Variants in AKAP19 observed in about 807,000 individuals in gnomAD.
The protein encoded by AKAP19 is small A-kinase anchoring protein.
the AKAP19 span, among the ~76,000 whole-genome samples, chr2:190,139,003 C>T: frequency 7.6e-6 from 1 of 132,204 alleles, no homozygotes; most frequent in Non-Finnish European, 1.6e-5. Flanking sequence ...TTTTCACAAG[C>T]CTTTGTGGAT....
At chr2:190,092,217 T>A in the AKAP19 span, among the ~76,000 whole-genome samples, 5 of 152,214 alleles carry the variant, frequency 3.3e-5, no homozygotes. Flanking sequence ...TGCTAATTTG[T>A]CATGTTGACT....
the AKAP19 span, among the ~76,000 whole-genome samples, chr2:190,139,882 A>T: frequency 6.6e-6 from 1 of 152,168 alleles, no homozygotes; most frequent in Non-Finnish European, 1.5e-5. Context: ...TTCTATCATT[A>T]ACCCAAATGT....
the AKAP19 span, among the ~76,000 whole-genome samples, chr2:190,035,356 G>C: frequency 6.6e-6 from 1 of 151,978 alleles, no homozygotes; most frequent in Non-Finnish European, 1.5e-5. Flanking sequence ...GCTTGAACCC[G>C]GGAGGTGAAG....
the AKAP19 span, chr2:189,923,812 C>T: frequency 1.9e-6 from 3 of 1,611,724 alleles, no homozygotes; most frequent in Non-Finnish European, 2.5e-6. Flanking sequence ...GCATAAGTGG[C>T]TTCAATTCTA....
chr2:190,061,680 A>G, the AKAP19 span, among the ~76,000 whole-genome samples: 1 of 152,066 alleles, frequency 6.6e-6, no homozygotes, highest in Non-Finnish European at 1.5e-5. Flanking sequence ...TAATTTTTGC[A>G]TATTCTTCAG....
chr2:190,106,172 C>T, the AKAP19 span, among the ~76,000 whole-genome samples: 1 of 152,174 alleles, frequency 6.6e-6, no homozygotes, highest in African/African-American at 2.4e-5. Flanking sequence ...ATAGATACAT[C>T]AACATAGGAT....
chr2:190,070,892 T>G, the AKAP19 span, among the ~76,000 whole-genome samples: 1 of 152,174 alleles, frequency 6.6e-6, no homozygotes, highest in Non-Finnish European at 1.5e-5. Context: ...TTACTTAGAT[T>G]TTCATCAAAT....
the AKAP19 span, among the ~76,000 whole-genome samples, chr2:189,909,553 C>T: frequency 6.6e-6 from 1 of 151,908 alleles, no homozygotes; most frequent in East Asian, 1.9e-4. Flanking sequence ...TACAATGAGG[C>T]TTACATGAAA....
the AKAP19 span, among the ~76,000 whole-genome samples, chr2:190,172,742 A>C: frequency 7.2e-5 from 11 of 152,372 alleles, no homozygotes; most frequent in African/African-American, 2.6e-4. Context: ...ACATATTAAC[A>C]GTTACCTTAT....
chr2:190,038,683 T>C, the AKAP19 span, among the ~76,000 whole-genome samples: 1 of 152,178 alleles, frequency 6.6e-6, no homozygotes, highest in Non-Finnish European at 1.5e-5. Context: ...AAAAAATTGA[T>C]ATTATATCCC....
the AKAP19 span, among the ~76,000 whole-genome samples, chr2:190,070,617 C>CG: frequency 8.1e-6 from 1 of 123,960 alleles, no homozygotes; most frequent in Non-Finnish European, 1.6e-5. Flanking sequence ...CTCTCTCTCC[C>CG]CCCCCCCTTT....
the AKAP19 span, among the ~76,000 whole-genome samples, chr2:190,129,273 G>A: frequency 6.6e-6 from 1 of 152,092 alleles, no homozygotes; most frequent in Admixed American, 6.6e-5. Flanking sequence ...ACCATGAAAA[G>A]TTATGCTGGA....
the AKAP19 span, among the ~76,000 whole-genome samples, chr2:190,145,406 T>A: frequency 6.6e-6 from 1 of 152,200 alleles, no homozygotes; most frequent in East Asian, 1.9e-4. Flanking sequence ...ATTTTTTGCT[T>A]TATGAACAAA....
At chr2:190,163,264 T>C in the AKAP19 span, among the ~76,000 whole-genome samples, 35,847 of 151,356 alleles carry the variant, frequency 0.24, 5,355 homozygotes, top group Non-Finnish European at 0.33. Context: ...GAAACCCCGT[T>C]TCTACTAAAA....
chr2:189,896,029 ACTG>A, the AKAP19 span, among the ~76,000 whole-genome samples: 1 of 151,374 alleles, frequency 6.6e-6, no homozygotes, highest in Non-Finnish European at 1.5e-5. Context: ...AAAAAAACAT[ACTG>A]CTAAAATTTC....
the AKAP19 span, among the ~76,000 whole-genome samples, chr2:190,151,894 T>C: frequency 6.6e-6 from 1 of 151,974 alleles, no homozygotes; most frequent in Non-Finnish European, 1.5e-5. Context: ...TCCCAGCTAC[T>C]TGGGAGGCTG....
chr2:190,062,695 C>T, the AKAP19 span: 10 of 1,175,736 alleles, frequency 8.5e-6, no homozygotes, highest in Non-Finnish European at 1.2e-5. Flanking sequence ...AATGCATGTA[C>T]AGTCTGAGAG....
the AKAP19 span, among the ~76,000 whole-genome samples, chr2:190,076,772 T>C: frequency 4.6e-5 from 7 of 152,214 alleles, no homozygotes; most frequent in Non-Finnish European, 7.3e-5. Context: ...ATGTTAATAC[T>C]GCTTTGGATT....
chr2:190,084,123 G>T, the AKAP19 span, among the ~76,000 whole-genome samples: 2 of 137,832 alleles, frequency 1.5e-5, no homozygotes, highest in Non-Finnish European at 1.5e-5. Context: ...GACAGAGTCT[G>T]GCTCTGTTGC....
Sources: allele counts gnomAD v4.1 joint callset (sites outside exome capture counted in the v4.1 genomes callset), GRCh38; gene constraint gnomAD v4.1.1; transcripts MANE v1.5; gene names NCBI Gene and HGNC (gene_info 2026-07-23, HGNC 2026-07-21).